The following MAP2K1 variants were observed in gnomAD, a reference collection of about 807,000 sequenced individuals.
The protein encoded by MAP2K1 is mitogen-activated protein kinase kinase 1, also known as dual specificity mitogen-activated protein kinase kinase 1.
MAP2K1 carries 16 observed loss-of-function variants against 46.3 expected under a neutral mutation model. That is an observed-to-expected ratio of 0.35 (90% confidence interval 0.23 to 0.52). The LOEUF is 0.52. Among genes scored for constraint, MAP2K1 ranks in the 20% least tolerant of loss-of-function variants. The probability of loss-of-function intolerance (pLI) is 0.94; values close to 1 mark genes in which losing one functional copy is unlikely to be tolerated. For synonymous variants in MAP2K1, 183 were observed against 185.6 expected (o/e 0.99, Z 0.11); for missense variants, 263 against 497.1 (o/e 0.53, Z 4.48).
chr15:66,476,301 G>A (rs546579190), intron 5 of MAP2K1, among the ~76,000 whole-genome samples: 2 of 152,304 alleles, frequency 1.3e-5, no homozygotes, highest in East Asian at 1.9e-4. Context: ...GAAAGAGAAC[G>A]CAAGGCCCAG....
intron 2 of MAP2K1, 58 bp from the exon 3 acceptor site, chr15:66,436,688 T>G: frequency 6.6e-7 from 1 of 1,517,296 alleles, no homozygotes; most frequent in Non-Finnish European, 9.1e-7. Flanking sequence ...GACTATATCT[T>G]TCATCCCTTC....
chr15:66,448,731 C>T (rs1891945875), intron 5 of MAP2K1, among the ~76,000 whole-genome samples: 1 of 152,090 alleles, frequency 6.6e-6, no homozygotes, highest in Admixed American at 6.6e-5. Flanking sequence ...TGGCTGGGCA[C>T]AGTGGCTCAC....
chr15:66,443,365 T>C lies in MAP2K1; in HGVS notation c.516+8T>C. ...GGAAAAGTTAGCATTGCTGTGAGTATGTTATGAAGTTTTTCTTCTAAGTTC... is the reference window on the plus strand; with the variant it reads ...GGAAAAGTTAGCATTGCTGTGAGTACGTTATGAAGTTTTTCTTCTAAGTTC... On this transcript the variant is annotated splice_region_variant and intron_variant, in intron 4 of 10. Transcript: ENST00000307102. 1 of 1,572,004 alleles carries C rather than the reference T, an allele frequency of 6.4e-7. No individual in the cohort carries two copies. Among genetic ancestry groups the C allele is most frequent in the Non-Finnish European group, 8.8e-7 (1 of 1,141,710 alleles).
Position 66,420,753 on chromosome 15 carries a change from G to A in MAP2K1, c.81-14274G>A, listed in dbSNP as rs1567002965. 6.3e-3 allele frequency among the ~76,000 whole-genome samples: 285 copies of A among 45,306 alleles called. 20 individuals carry two copies. The highest frequency in any genetic ancestry group is 0.016 in the African/African-American group (261 of 16,074). 29.7% of individuals were successfully genotyped at this position (45,306 alleles called of 152,430 possible). On this transcript the variant is annotated intron_variant, in intron 1 of 10. Coordinates refer to ENST00000307102, the MANE Select transcript of MAP2K1 (RefSeq NM_002755.4). ...TGTGTGTGTGTGTGTGTGTGTGTGT[G>A]TGTGTGTATGTGTGTATATATATGT...
intron 1 of MAP2K1, among the ~76,000 whole-genome samples, chr15:66,432,011 C>T (rs569712408): frequency 1.3e-5 from 2 of 152,146 alleles, no homozygotes; most frequent in South Asian, 2.1e-4. Context: ...CATGTTCCCG[C>T]AAAGGACGTG....
At chr15:66,465,699 C>A (rs889162278) in intron 5 of MAP2K1, among the ~76,000 whole-genome samples, 9 of 151,978 alleles carry the variant, frequency 5.9e-5, no homozygotes, top group Admixed American at 2.6e-4. Context: ...AAAACAACAA[C>A]AACAACAAAA....
At chr15:66,471,449 G>C (rs1480190965) in intron 5 of MAP2K1, among the ~76,000 whole-genome samples, 4 of 152,066 alleles carry the variant, frequency 2.6e-5, no homozygotes, top group Non-Finnish European at 1.5e-5. Flanking sequence ...TCTGTAACTG[G>C]GCTGGGGCCA....
rs1448671492 is a variant in MAP2K1, at chr15:66,448,625, A to G, written c.568+3918A>G. Among the ~76,000 whole-genome samples, 7 of 152,216 alleles carry G rather than the reference A, an allele frequency of 4.6e-5. No homozygotes were observed. The East Asian group carries it at 1.2e-3, about 25-fold the overall frequency. On this transcript the variant is annotated intron_variant, in intron 5 of 10. Coordinates refer to ENST00000307102, the MANE Select transcript of MAP2K1 (RefSeq NM_002755.4). ...TGGCAGACTTGTAGTTGGAATTTGC[A>G]TGACCAGCTTATAGCTTGTACATAT...
chr15:66,429,915 C>T (rs939041138), intron 1 of MAP2K1, among the ~76,000 whole-genome samples: 2 of 152,102 alleles, frequency 1.3e-5, no homozygotes, highest in South Asian at 4.1e-4. Flanking sequence ...AGCCCCTCAA[C>T]TTGAACACGC....
intron 1 of MAP2K1, among the ~76,000 whole-genome samples, chr15:66,428,064 G>A (rs2093464021): frequency 1.3e-5 from 2 of 152,200 alleles, no homozygotes; most frequent in South Asian, 4.2e-4. Context: ...TGGCCAAATA[G>A]GGCTTCATAC....
intron 1 of MAP2K1, among the ~76,000 whole-genome samples, chr15:66,399,789 G>A (rs1401256549): frequency 1.3e-5 from 2 of 152,096 alleles, no homozygotes; most frequent in Non-Finnish European, 2.9e-5. Flanking sequence ...TAGAGATGGG[G>A]TTTCACCTTG....
At position 66,436,900 on chromosome 15, in the gene MAP2K1, A is replaced by T. The variant is rs550240942; in HGVS notation, c.438+8A>T. 111 of 1,613,966 alleles carry T rather than the reference A, an allele frequency of 6.9e-5. No homozygotes were observed. The South Asian group carries it at 1.1e-3, about 16-fold the overall frequency. On this transcript the variant is annotated splice_region_variant and intron_variant, in intron 3 of 10. Transcript: ENST00000307102. The stretch of plus-strand genomic sequence containing the variant: ...ATCTGCATGGAGCACATGGTATGTG[A>T]CACCCTCTCAGCCTCTGGAGCAATG...
At chr15:66,448,588 G>A (rs191583435) in intron 5 of MAP2K1, among the ~76,000 whole-genome samples, 8 of 152,328 alleles carry the variant, frequency 5.3e-5, no homozygotes, top group Non-Finnish European at 1.0e-4. Context: ...AATATTGAAA[G>A]ATTTCTGTCC....
intron 5 of MAP2K1, among the ~76,000 whole-genome samples, chr15:66,445,777 G>A (rs545589440): frequency 6.6e-6 from 1 of 152,202 alleles, no homozygotes; most frequent in African/African-American, 2.4e-5. Context: ...CAAATCCATA[G>A]TGGCAGAAAG....
intron 5 of MAP2K1, among the ~76,000 whole-genome samples, chr15:66,470,104 T>TG (rs1892593465): frequency 2.8e-5 from 4 of 141,398 alleles, no homozygotes; most frequent in African/African-American, 7.8e-5. Flanking sequence ...GTTTTTTTTT[T>TG]TTTTTTTTTT....
intron 5 of MAP2K1, among the ~76,000 whole-genome samples, chr15:66,478,647 GTGCTACCA>G (rs1301018206): frequency 2.6e-5 from 4 of 151,470 alleles, no homozygotes; most frequent in African/African-American, 9.7e-5. Context: ...TACAGGTGAT[GTGCTACCA>G]TGCCCAGCCA....
intron 2 of MAP2K1, 72 bp downstream of exon 2, chr15:66,435,309 A>G (rs2093485036): frequency 3.9e-6 from 5 of 1,275,080 alleles, no homozygotes; most frequent in Non-Finnish European, 3.4e-6. Context: ...ACCAGGGTAG[A>G]AGGAAGACTG....
intron 1 of MAP2K1, among the ~76,000 whole-genome samples, chr15:66,424,286 G>C (rs1208080972): frequency 6.6e-6 from 1 of 151,886 alleles, no homozygotes; most frequent in Non-Finnish European, 1.5e-5. Context: ...TCGAACTCCT[G>C]ACCTCAAGTG....
intron 5 of MAP2K1, among the ~76,000 whole-genome samples, chr15:66,476,373 A>G (rs944531940): frequency 2.6e-5 from 4 of 152,232 alleles, no homozygotes; most frequent in African/African-American, 9.6e-5. Flanking sequence ...GGGCTCTGCT[A>G]GGAGAATGTG....
Sources: gnomAD v4.1 joint callset for allele counts (sites outside exome capture counted in the v4.1 genomes callset) on GRCh38, gnomAD v4.1.1 for gene constraint, MANE v1.5 for transcripts, NCBI Gene and HGNC (gene_info 2026-07-23, HGNC 2026-07-21) for gene names.